OTULINL: variants seen among roughly 807,000 people sequenced by gnomAD.
The protein encoded by OTULINL is inactive ubiquitin thioesterase OTULINL.
In OTULINL, 42 loss-of-function variants were observed where a neutral mutation model predicts 43.9. That is an observed-to-expected ratio of 0.96 (90% CI 0.75 to 1.24). OTULINL has a LOEUF of 1.24. Ranked by LOEUF, OTULINL falls within the 50% of genes most tolerant of loss-of-function variation. OTULINL has a pLI of 0.00. For missense variants in OTULINL, 411 were observed against 426.4 expected (o/e 0.96, Z 0.32); for synonymous variants, 172 against 153.6 (o/e 1.12, Z -0.88).
intron 1 of OTULINL, among the ~76,000 whole-genome samples, chr5:14,589,709 G>T (rs528019246): frequency 1.3e-5 from 2 of 152,180 alleles, no homozygotes; most frequent in Non-Finnish European, 1.5e-5. Context: ...CCAGCACTTT[G>T]GGAGGCCGAG....
At chr5:14,598,583 A>AGT (rs1293774278) in intron 1 of OTULINL, among the ~76,000 whole-genome samples, 1 of 152,174 alleles carries the variant, frequency 6.6e-6, no homozygotes. Context: ...AAATGATCCA[A>AGT]GTGTTTATCA....
chr5:14,601,399 G>A lies in OTULINL; in HGVS notation c.305G>A (p.Arg102Lys). ...AEVDLLSYCA[R>K]EWKGETPRNK... ...GTTGATTTACTCAGTTATTGTGCAA[G>A]AGAATGGAAAGGAGAGACACCCCGT... is the stretch of plus-strand genomic sequence containing the variant. Residue 102 changes from arginine to lysine, a missense_variant, in exon 4 of 8, where the codon AGA becomes AAA. Transcript: ENST00000274217. 2.5e-6 allele frequency: 4 copies of A among 1,614,212 alleles called. No homozygotes were observed. Among genetic ancestry groups the A allele is most frequent in the Non-Finnish European group, 3.4e-6 (4 of 1,180,042 alleles).
chr5:14,608,859 A>C lies in OTULINL; in HGVS notation c.739A>C (p.Met247Leu). 1 of 1,614,168 alleles carries C rather than the reference A, an allele frequency of 6.2e-7. No individual in the cohort carries two copies. Among genetic ancestry groups the C allele is most frequent in the Non-Finnish European group, 8.5e-7 (1 of 1,180,006 alleles). Reference protein sequence around the residue: ...YKLYEALKFIMLYQVTEVYEQ... With the variant: ...YKLYEALKFILLYQVTEVYEQ... ...ACTTTATGAAGCTTTAAAGTTCATC[A>C]TGCTGTATCAAGTCACTGAAGTTTA... The change falls in exon 7 of 8, where the codon ATG (methionine) becomes CTG (leucine). Residue 247 changes from methionine (M) to leucine (L), a missense_variant. Physicochemically the swap from Met to Leu is conservative, Grantham distance 15. Coordinates refer to ENST00000274217, the MANE Select transcript of OTULINL (RefSeq NM_019018.3).
At chr5:14,593,186 T>A (rs1759234046) in intron 1 of OTULINL, among the ~76,000 whole-genome samples, 1 of 152,040 alleles carries the variant, frequency 6.6e-6, no homozygotes, top group African/African-American at 2.4e-5. Context: ...AGTTGATCAA[T>A]AAAGAGAGAA....
rs200513203 is a variant in OTULINL at position 14,610,259 on chromosome 5, C to T, written c.1016C>T (p.Pro339Leu). ...CCAGAGGAGCCTCTCAGGGACTGGCCGGAGATCTCCCTGCTGACCGAGAAC... is the reference window on the plus strand; with the variant it reads ...CCAGAGGAGCCTCTCAGGGACTGGCTGGAGATCTCCCTGCTGACCGAGAAC... The part of the protein sequence containing the change: ...CYPEEPLRDW[P>L]EISLLTENDR... The change falls in exon 8 of 8, where the codon CCG becomes CTG. Residue 339 changes from proline to leucine, a missense_variant. Coordinates refer to ENST00000274217, the MANE Select transcript of OTULINL (RefSeq NM_019018.3). 3.8e-5 allele frequency: 61 copies of T among 1,613,738 alleles called. No individual in the cohort carries two copies. The South Asian group carries it at 4.3e-4, about 11-fold the overall frequency.
chr5:14,603,752 A>C (rs957913075), intron 5 of OTULINL, among the ~76,000 whole-genome samples: 2 of 152,022 alleles, frequency 1.3e-5, no homozygotes, highest in Admixed American at 6.6e-5. Flanking sequence ...TATTTTCTCC[A>C]GTCTGTGGCT....
In OTULINL at chr5:14,614,053, T is replaced by C. The variant is rs1166324651; in HGVS notation, c.*3739T>C. ...ATAACTAACCCAATATGTGAAAATA[T>C]ATGCAAGCATGAATAAAGGGTTGAC... is the stretch of plus-strand genomic sequence containing the variant. On this transcript the variant is annotated 3_prime_UTR_variant, in exon 8 of 8. Coordinates refer to ENST00000274217, the MANE Select transcript of OTULINL (RefSeq NM_019018.3). Among the ~76,000 whole-genome samples the C allele has an allele frequency of 6.6e-6, 1 of 152,210 alleles. No homozygotes were observed. Among genetic ancestry groups the C allele is most frequent in the Admixed American group, 6.5e-5 (1 of 15,276 alleles).
chr5:14,588,850 T>G, intron 1 of OTULINL, among the ~76,000 whole-genome samples: 1 of 152,178 alleles, frequency 6.6e-6, no homozygotes, highest in Admixed American at 6.5e-5. Context: ...AAGTTGCACA[T>G]TCAACAACTT....
At chr5:14,583,397 A>T (rs1759051071) in intron 1 of OTULINL, among the ~76,000 whole-genome samples, 1 of 152,104 alleles carries the variant, frequency 6.6e-6, no homozygotes, top group South Asian at 2.1e-4. Context: ...GGGTGTATTC[A>T]TTTGAACTTT....
At chr5:14,604,568 G>A (rs775865742) in intron 5 of OTULINL, among the ~76,000 whole-genome samples, 11 of 152,108 alleles carry the variant, frequency 7.2e-5, no homozygotes, top group Non-Finnish European at 1.6e-4. Flanking sequence ...TCTTCCCCCT[G>A]GAAATGTGGG....
intron 1 of OTULINL, among the ~76,000 whole-genome samples, chr5:14,591,808 C>T (rs1302563512): frequency 6.6e-6 from 1 of 152,210 alleles, no homozygotes; most frequent in Non-Finnish European, 1.5e-5. Flanking sequence ...ACAGGGTCAG[C>T]AAGCCACAGC....
At position 14,611,478 on chromosome 5, in the gene OTULINL, A is replaced by T. The variant is rs1229671304; in HGVS notation, c.*1164A>T. On this transcript the variant is annotated 3_prime_UTR_variant, in exon 8 of 8. Coordinates refer to ENST00000274217, the MANE Select transcript of OTULINL (RefSeq NM_019018.3). ...CTGTAGAATTGAGACTGGAAAGGAA[A>T]CAGAAACTTCCCCATAGCCTCCAGA... is the stretch of plus-strand genomic sequence containing the variant. The T allele has an allele frequency of 6.6e-6, 1 of 152,272 alleles. No homozygotes were observed. The highest frequency in any genetic ancestry group is 1.5e-5 in the Non-Finnish European group (1 of 68,070). The allele number at this position is 152,272 out of a possible 1,614,324, so 9.4% of individuals were successfully genotyped here.
chr5:14,604,407 CT>C (rs759434328), intron 5 of OTULINL, among the ~76,000 whole-genome samples: 1 of 152,124 alleles, frequency 6.6e-6, no homozygotes, highest in Non-Finnish European at 1.5e-5. Context: ...TATTCCACCC[CT>C]GGCCCCTCCC....
At chr5:14,616,174 ACTAAAATACGAGTTT>A (rs1450090017) in exon 8 of OTULINL, among the ~76,000 whole-genome samples, 1 of 152,250 alleles carries the variant, frequency 6.6e-6, no homozygotes, top group African/African-American at 2.4e-5. Context: ...CTTTAGTAGC[ACTAAAATACGAGTTT>A]CAGGCAAGAT....
In OTULINL at chr5:14,608,838, T is replaced by C. The variant is rs1295576352; in HGVS notation, c.718T>C (p.Tyr240His). 1.9e-6 allele frequency: 3 copies of C among 1,613,982 alleles called. No individual in the cohort carries two copies. The highest frequency in any genetic ancestry group is 2.7e-5 in the African/African-American group (2 of 74,944). ...AGATGCCATTCTGGAATATAAACTTTATGAAGCTTTAAAGTTCATCATGCT... is the reference window on the plus strand; with the variant it reads ...AGATGCCATTCTGGAATATAAACTTCATGAAGCTTTAAAGTTCATCATGCT... ...FSDAILEYKL[Y>H]EALKFIMLYQ... The change falls in exon 7 of 8, where the codon TAT becomes CAT. Residue 240 changes from tyrosine to histidine, a missense_variant. By Grantham distance (83) the Tyr-to-His change is moderately conservative (BLOSUM62 2). Transcript: ENST00000274217.
intron 1 of OTULINL, among the ~76,000 whole-genome samples, chr5:14,591,781 T>G (rs1759207261): frequency 6.6e-6 from 1 of 152,174 alleles, no homozygotes; most frequent in Non-Finnish European, 1.5e-5. Context: ...TGCATTGCTG[T>G]GAATGTATCA....
rs1759639397 is a variant in OTULINL at position 14,614,581 on chromosome 5, T to A, written c.*4267T>A. On this transcript the variant is annotated 3_prime_UTR_variant, in exon 8 of 8. Transcript: ENST00000274217. ...ATTATATTTATGCTTAATATCAACATGGTTTATAAGTGGACAGAAAAACAC... is the reference window on the plus strand; with the variant it reads ...ATTATATTTATGCTTAATATCAACAAGGTTTATAAGTGGACAGAAAAACAC... The A allele has an allele frequency of 2.5e-6, 1 of 398,504 alleles. No individual in the cohort carries two copies. The highest frequency in any genetic ancestry group is 4.4e-6 in the Non-Finnish European group (1 of 226,074). 24.7% of individuals were successfully genotyped at this position (398,504 alleles called of 1,614,324 possible). A position where few individuals can be genotyped will look rare whatever the true frequency, so the allele number is the denominator to read the frequency against.
At chr5:14,604,102 TGG>T (rs1759433211) in intron 5 of OTULINL, among the ~76,000 whole-genome samples, 2 of 152,092 alleles carry the variant, frequency 1.3e-5, no homozygotes, top group African/African-American at 2.4e-5. Context: ...GAGGCCAAGT[TGG>T]GAGTATCTCT....
intron 1 of OTULINL, among the ~76,000 whole-genome samples, chr5:14,591,994 C>T (rs140481595): frequency 3.3e-5 from 5 of 152,106 alleles, no homozygotes. Flanking sequence ...GATTGGAGCC[C>T]TGTGTGTATT....
Sources: gnomAD v4.1 joint callset for allele counts (sites outside exome capture counted in the v4.1 genomes callset) on GRCh38, gnomAD v4.1.1 for gene constraint, MANE v1.5 for transcripts, NCBI Gene and HGNC (gene_info 2026-07-23, HGNC 2026-07-21) for gene names.